The following HTR1F variants were observed in gnomAD, a reference collection of about 807,000 sequenced individuals.
The protein encoded by HTR1F is 5-hydroxytryptamine (serotonin) receptor 1F, G protein-coupled.
In HTR1F, 17 loss-of-function variants were observed where a neutral mutation model predicts 24.0. That is an observed-to-expected ratio of 0.71 (90% confidence interval 0.48 to 1.06). The LOEUF (loss-of-function observed/expected upper bound fraction) is 1.06. Among genes scored for constraint, HTR1F ranks in the 50% least tolerant of loss-of-function variants. The pLI is 0.00. For synonymous variants in HTR1F, 186 were observed against 156.8 expected (o/e 1.19, Z -1.39); for missense variants, 391 against 427.8 (o/e 0.91, Z 0.76).
chr3:87,930,966 C>A (rs1704249175), intron 2 of HTR1F, among the ~76,000 whole-genome samples: 1 of 151,566 alleles, frequency 6.6e-6, no homozygotes, highest in South Asian at 2.1e-4. Context: ...GGAAATTCCT[C>A]CAGCTCAAAT....
At chr3:87,809,840 A>T (rs1262417923) in intron 1 of HTR1F, among the ~76,000 whole-genome samples, 2 of 151,972 alleles carry the variant, frequency 1.3e-5, no homozygotes, top group Admixed American at 1.3e-4. Flanking sequence ...TGTTAGCCTT[A>T]TTATTTTTCC....
chr3:87,927,294 C>A (rs1215749067), intron 2 of HTR1F, among the ~76,000 whole-genome samples: 1 of 152,078 alleles, frequency 6.6e-6, no homozygotes, highest in African/African-American at 2.4e-5. Flanking sequence ...AAAAACAATA[C>A]CCTTAATGTT....
chr3:87,848,446 C>T (rs1008786256), intron 2 of HTR1F, among the ~76,000 whole-genome samples: 3 of 151,576 alleles, frequency 2.0e-5, no homozygotes, highest in African/African-American at 4.9e-5. Context: ...CAAATTTTTT[C>T]CCCTTCAAGA....
chr3:87,854,434 A>G (rs1247192495), intron 2 of HTR1F, among the ~76,000 whole-genome samples: 1 of 151,502 alleles, frequency 6.6e-6, no homozygotes, highest in Non-Finnish European at 1.5e-5. Context: ...GTCTATCTTT[A>G]TTCCTAATAC....
chr3:87,842,088 A>G (rs937539125), intron 2 of HTR1F, among the ~76,000 whole-genome samples: 19 of 151,836 alleles, frequency 1.3e-4, no homozygotes, highest in African/African-American at 3.9e-4. Flanking sequence ...GTTACATTGT[A>G]TACTTATTCT....
intron 1 of HTR1F, among the ~76,000 whole-genome samples, chr3:87,815,193 TA>T (rs1332608313): frequency 6.6e-6 from 1 of 152,078 alleles, no homozygotes; most frequent in Non-Finnish European, 1.5e-5. Flanking sequence ...TGGGCTATAA[TA>T]AACAGGGGTA....
chr3:87,884,645 A>C (rs568469959), intron 2 of HTR1F, among the ~76,000 whole-genome samples: 2 of 151,922 alleles, frequency 1.3e-5, no homozygotes, highest in African/African-American at 2.4e-5. Context: ...AAATAAAGTG[A>C]TGGAGGAAGA....
At chr3:87,933,741 G>T (rs936021817) in intron 2 of HTR1F, among the ~76,000 whole-genome samples, 1 of 152,144 alleles carries the variant, frequency 6.6e-6, no homozygotes, top group African/African-American at 2.4e-5. Context: ...CATGCTCATG[G>T]GTAGGAAGAA....
intron 1 of HTR1F, among the ~76,000 whole-genome samples, chr3:87,793,910 A>G (rs561895289): frequency 1.3e-5 from 2 of 151,592 alleles, no homozygotes; most frequent in East Asian, 1.9e-4. Context: ...TCTCCCCCAT[A>G]TTCTGGAACA....
intron 2 of HTR1F, among the ~76,000 whole-genome samples, chr3:87,979,032 GA>G (rs1705468826): frequency 3.1e-4 from 1 of 3,220 alleles, no homozygotes; most frequent in Non-Finnish European, 1.2e-3. Context: ...GGGAGGGAGG[GA>G]GGGAGGGGGG....
chr3:87,972,947 G>T (rs1203993925), intron 2 of HTR1F, among the ~76,000 whole-genome samples: 2 of 150,716 alleles, frequency 1.3e-5, no homozygotes, highest in African/African-American at 4.9e-5. Flanking sequence ...GAGGCAGGTG[G>T]ATCACCTGAG....
At chr3:87,926,430 T>C (rs796070943) in intron 2 of HTR1F, among the ~76,000 whole-genome samples, 10 of 152,310 alleles carry the variant, frequency 6.6e-5, no homozygotes, top group African/African-American at 2.4e-4. Context: ...TTTTTCTTTT[T>C]ATCAGAACAC....
At chr3:87,919,439 CCA>C (rs1703964360) in intron 2 of HTR1F, among the ~76,000 whole-genome samples, 1 of 152,000 alleles carries the variant, frequency 6.6e-6, no homozygotes. Context: ...AACAGACAAC[CCA>C]CAGAGTGGGA....
At chr3:87,877,225 G>GT (rs1414439483) in intron 2 of HTR1F, among the ~76,000 whole-genome samples, 2 of 152,028 alleles carry the variant, frequency 1.3e-5, no homozygotes, top group Admixed American at 1.3e-4. Flanking sequence ...CTCCAAGCCA[G>GT]TTTTTTTGTT....
At chr3:87,805,486 CT>C (rs954822701) in intron 1 of HTR1F, among the ~76,000 whole-genome samples, 16 of 151,664 alleles carry the variant, frequency 1.1e-4, no homozygotes, top group East Asian at 3.9e-4. Context: ...TATTTCATAT[CT>C]TTTTTTTATT....
chr3:87,948,011 T>C lies in HTR1F; in HGVS notation c.-42-42697T>C, dbSNP rs113356067. On this transcript the variant is annotated intron_variant, in intron 2 of 2. Transcript: ENST00000319595. Reference sequence around the variant, plus strand: ...TCATATGTATGTTTTTGTCAAAGAGTGAAAAAAATCCTATCTAATATTACT... The same window carrying C: ...TCATATGTATGTTTTTGTCAAAGAGCGAAAAAAATCCTATCTAATATTACT... Among the ~76,000 whole-genome samples, 939 of 152,212 alleles carry C rather than the reference T, an allele frequency of 6.2e-3. 12 individuals are homozygous for C. Among genetic ancestry groups the C allele is most frequent in the African/African-American group, 0.021 (887 of 41,558 alleles).
chr3:87,817,351 A>G lies in HTR1F; in HGVS notation c.-159-4657A>G, dbSNP rs765136230. On this transcript the variant is annotated intron_variant, in intron 1 of 2. Coordinates refer to ENST00000319595, the MANE Select transcript of HTR1F (RefSeq NM_001322209.2). ...AGTACATCTCTATATAGTGTGCAATATATCATTATACAAAAACAGTCAATA... is the reference window on the plus strand; with the variant it reads ...AGTACATCTCTATATAGTGTGCAATGTATCATTATACAAAAACAGTCAATA... Among the ~76,000 whole-genome samples, 6 of 152,176 alleles carry G rather than the reference A, an allele frequency of 3.9e-5. 1 individual carries two copies.
At chr3:87,932,785 A>C (rs7647432) in intron 2 of HTR1F, among the ~76,000 whole-genome samples, 65,730 of 150,968 alleles carry the variant, frequency 0.44, 15,304 homozygotes, top group African/African-American at 0.61. Flanking sequence ...CAAGGAGGAG[A>C]TGGTACCATT....
Position 87,974,703 on chromosome 3 carries a change from A to C in HTR1F, c.-42-16005A>C, listed in dbSNP as rs72917744. ...GTGCCAACTATAATGCTGGAACTAA[A>C]TAAATGTTTGCAGAGTAGGTGTATG... On this transcript the variant is annotated intron_variant, in intron 2 of 2. Coordinates refer to ENST00000319595, the MANE Select transcript of HTR1F (RefSeq NM_001322209.2). Among the ~76,000 whole-genome samples, 724 of 152,314 alleles carry C rather than the reference A, an allele frequency of 4.8e-3. 2 individuals carry two copies. The highest frequency in any genetic ancestry group is 0.017 in the African/African-American group (698 of 41,580).
Sources: gnomAD v4.1 joint callset for allele counts (sites outside exome capture counted in the v4.1 genomes callset) on GRCh38, gnomAD v4.1.1 for gene constraint, MANE v1.5 for transcripts, NCBI Gene and HGNC (gene_info 2026-07-23, HGNC 2026-07-21) for gene names.